The following PDS5A variants were observed in gnomAD, a reference collection of about 807,000 sequenced individuals.
The protein encoded by PDS5A is sister chromatid cohesion protein PDS5 homolog A.
PDS5A carries 42 observed loss-of-function variants against 167.1 expected under a neutral mutation model. The observed-to-expected ratio is 0.25, with a 90% CI of 0.20 to 0.33. The LOEUF is 0.33. Ranked by LOEUF, PDS5A falls within the 10% of genes least tolerant of loss-of-function variation. The pLI is 1.00. For missense variants in PDS5A, 1,033 were observed against 1,605.9 expected, an observed-to-expected ratio of 0.64 and a Z score of 6.10; for synonymous variants, 553 against 554.6, an observed-to-expected ratio of 1.00 and a Z score of 0.04.
chr4:39,924,289 C>A (rs2109725109), intron 5 of PDS5A, among the ~76,000 whole-genome samples: 1 of 152,254 alleles, frequency 6.6e-6, no homozygotes, highest in African/African-American at 2.4e-5. Flanking sequence ...GAATCATGAG[C>A]TAAATAAAAT....
intron 17 of PDS5A, among the ~76,000 whole-genome samples, chr4:39,889,673 T>A (rs574520806): frequency 7.2e-5 from 11 of 152,366 alleles, no homozygotes; most frequent in Admixed American, 2.0e-4. Flanking sequence ...ATGTCTATGA[T>A]GCCAGGCTGC....
intron 19 of PDS5A, 136 bp downstream of exon 19, chr4:39,876,857 G>A (rs1720500449): frequency 5.3e-6 from 3 of 570,024 alleles, no homozygotes; most frequent in African/African-American, 1.9e-5. Context: ...AAGCAGAGGA[G>A]GACACAGAAA....
chr4:39,873,942 G>A (rs146939550), intron 20 of PDS5A, among the ~76,000 whole-genome samples: 1 of 152,258 alleles, frequency 6.6e-6, no homozygotes, highest in Non-Finnish European at 1.5e-5. Flanking sequence ...TACTTGGGAG[G>A]CTGAGGCAGA....
At chr4:39,922,329 CA>C (rs945703539) in intron 6 of PDS5A, among the ~76,000 whole-genome samples, 1 of 152,042 alleles carries the variant, frequency 6.6e-6, no homozygotes, top group African/African-American at 2.4e-5. Flanking sequence ...CAAAGTTAAC[CA>C]AAAGGCAACA....
Position 39,879,710 on chromosome 4 carries a change from A to C in PDS5A, c.1992+18T>G. 6.7e-7 allele frequency: 1 copy of C among 1,500,184 alleles called. No individual in the cohort carries two copies. The highest frequency in any genetic ancestry group is 1.4e-5 in the African/African-American group (1 of 72,854). 92.9% of individuals were successfully genotyped at this position (1,500,184 alleles called of 1,614,324 possible). A position where few individuals can be genotyped will look rare whatever the true frequency, so the allele number is the denominator to read the frequency against. ...GACCCCACGGAAATACATGGCAACA[A>C]AACTGTTTCAAAAATACCTTAAGAA... On this transcript the variant is annotated intron_variant, in intron 18 of 32. Transcript: ENST00000303538.
intron 2 of PDS5A, among the ~76,000 whole-genome samples, chr4:39,954,369 C>A (rs1463860100): frequency 6.6e-6 from 1 of 151,600 alleles, no homozygotes; most frequent in African/African-American, 2.4e-5. Context: ...CTTAAAAAAA[C>A]AAAACATGCC....
intron 2 of PDS5A, among the ~76,000 whole-genome samples, chr4:39,930,292 CA>C (rs1190648453): frequency 1.5e-5 from 2 of 132,890 alleles, no homozygotes; most frequent in African/African-American, 5.5e-5. Context: ...AGGGTTTTGC[CA>C]TGTTGCCCAG....
chr4:39,913,800 A>ATATTTCTAC, intron 8 of PDS5A, 74 bp from the exon 9 acceptor site: 2 of 815,110 alleles, frequency 2.5e-6, no homozygotes, highest in Admixed American at 3.6e-5. Flanking sequence ...AAACATTCTC[A>ATATTTCTAC]AGAAGATACT....
chr4:39,937,328 T>G (rs1726714475), intron 2 of PDS5A, among the ~76,000 whole-genome samples: 1 of 145,214 alleles, frequency 6.9e-6, no homozygotes, highest in Non-Finnish European at 1.6e-5. Flanking sequence ...AAAGATCAGA[T>G]CGATTATTAT....
At chr4:39,844,561 A>G in intron 30 of PDS5A, 95 bp downstream of exon 30, 1 of 868,340 alleles carries the variant, frequency 1.2e-6, no homozygotes. Flanking sequence ...AACACCGCTA[A>G]TGACAGAAGA....
intron 17 of PDS5A, 83 bp downstream of exon 17, chr4:39,890,166 C>A: frequency 1.3e-6 from 1 of 753,852 alleles, no homozygotes; most frequent in Admixed American, 2.4e-5. Context: ...TTTCAGGTAT[C>A]TTTAGGAGCC....
intron 18 of PDS5A, among the ~76,000 whole-genome samples, chr4:39,878,789 G>A (rs1720694580): frequency 6.6e-6 from 1 of 151,828 alleles, no homozygotes; most frequent in African/African-American, 2.4e-5. Context: ...CTGACGCCAA[G>A]CTGGAGTGCA....
At chr4:39,862,649 C>T (rs958742879) in intron 25 of PDS5A, among the ~76,000 whole-genome samples, 2 of 152,116 alleles carry the variant, frequency 1.3e-5, no homozygotes, top group Non-Finnish European at 2.9e-5. Flanking sequence ...AAACTACACT[C>T]CTGATCCCAT....
chr4:39,826,524 T>C (rs2109456945), intron 32 of PDS5A, among the ~76,000 whole-genome samples: 1 of 123,602 alleles, frequency 8.1e-6, no homozygotes, highest in Middle Eastern at 4.6e-3. Context: ...TCTCGCTCTG[T>C]TGCCAGGCTG....
At position 39,973,504 on chromosome 4, in the gene PDS5A, C is replaced by G; in HGVS notation, c.138+2936G>C. On this transcript the variant is annotated intron_variant, in intron 2 of 32. Coordinates refer to ENST00000303538, the MANE Select transcript of PDS5A (RefSeq NM_001100399.2). ...TCTTGATGATAGTATTGATGATGAA[C>G]GTCTCCAGAAAGAGTTTTCTCCATT... 3.0e-6 allele frequency: 4 copies of G among 1,312,006 alleles called. No individual in the cohort carries two copies. The South Asian group carries it at 4.7e-5, about 15-fold the overall frequency. The allele number at this position is 1,312,006 out of a possible 1,614,324, so 81.3% of individuals were successfully genotyped here.
chr4:39,951,589 A>G (rs1007713349), intron 2 of PDS5A, among the ~76,000 whole-genome samples: 6 of 144,878 alleles, frequency 4.1e-5, no homozygotes, highest in African/African-American at 1.5e-4. Context: ...CAGCAACAAC[A>G]GTTGGAGCAC....
chr4:39,934,696 G>C (rs907593268), intron 2 of PDS5A, among the ~76,000 whole-genome samples: 2 of 138,984 alleles, frequency 1.4e-5, no homozygotes, highest in Non-Finnish European at 3.1e-5. Context: ...TTATAATATT[G>C]ATAAAAAAGA....
rs1027616001 is a variant in PDS5A at position 39,863,041 on chromosome 4, A to G, written c.2799T>C (p.Ala933=). 2.5e-6 allele frequency: 4 copies of G among 1,613,694 alleles called. No homozygotes were observed. The South Asian group carries it at 3.3e-5, about 13-fold the overall frequency. Residue 933 remains alanine, a synonymous_variant, in exon 25 of 33, where the codon GCT becomes GCC. Coordinates refer to ENST00000303538, the MANE Select transcript of PDS5A (RefSeq NM_001100399.2). ...TCACAAGTGCCTTATGCAGCTTCTG[A>G]GCAAATATCTGCCTTACTTGGTAAC... is the stretch of plus-strand genomic sequence containing the variant. ...DECYQVRQIF[A]QKLHKALVKL... is the part of the protein sequence containing the mutation.
At chr4:39,896,626 C>A (rs1239269268) in intron 16 of PDS5A, among the ~76,000 whole-genome samples, 1 of 151,842 alleles carries the variant, frequency 6.6e-6, no homozygotes, top group African/African-American at 2.4e-5. Context: ...ATTAGCTGGG[C>A]ATGGTGGCAT....
Sources: gnomAD v4.1 joint callset for allele counts (sites outside exome capture counted in the v4.1 genomes callset) on GRCh38, gnomAD v4.1.1 for gene constraint, MANE v1.5 for transcripts, NCBI Gene and HGNC (gene_info 2026-07-23, HGNC 2026-07-21) for gene names.